Variants in RFTN2 observed in about 807,000 individuals in gnomAD.
RFTN2 encodes raftlin family member 2.
In RFTN2, 34 loss-of-function variants were observed where a neutral mutation model predicts 52.7. The observed-to-expected ratio is 0.64, with a 90% confidence interval of 0.49 to 0.86. The LOEUF (loss-of-function observed/expected upper bound fraction) is 0.86, where lower values mean the gene tolerates loss of function less well. Ranked by LOEUF, RFTN2 falls within the 40% of genes least tolerant of loss-of-function variation. RFTN2 has a pLI of 0.00. For missense variants in RFTN2, 536 were observed against 600.1 expected (o/e 0.89, Z 1.12); for synonymous variants, 203 against 217.7 (o/e 0.93, Z 0.59).
chr2:197,616,453 G>A (rs72916912), intron 6 of RFTN2, among the ~76,000 whole-genome samples: 17,033 of 151,662 alleles, frequency 0.11, 1,312 homozygotes, highest in Middle Eastern at 0.24. Context: ...CACTATGCCT[G>A]GTTAATTTTA....
chr2:197,619,369 T>A (rs987221723), intron 5 of RFTN2, among the ~76,000 whole-genome samples: 30 of 152,256 alleles, frequency 2.0e-4, no homozygotes, highest in Non-Finnish European at 1.2e-4. Flanking sequence ...GAGGTAGACA[T>A]GGGAGACTTT....
chr2:197,660,931 T>C (rs1298441765), intron 1 of RFTN2, among the ~76,000 whole-genome samples: 1 of 152,182 alleles, frequency 6.6e-6, no homozygotes, highest in African/African-American at 2.4e-5. Flanking sequence ...ATATACAGTA[T>C]ATTGTTGTTA....
At chr2:197,615,805 A>G (rs2088131679) in intron 7 of RFTN2, 71 bp downstream of exon 7, 1 of 798,472 alleles carries the variant, frequency 1.3e-6, no homozygotes, top group East Asian at 2.7e-5. Context: ...TATTTGTTGA[A>G]TTGAACTATC....
In RFTN2 at chr2:197,661,363, C is replaced by T. The variant is rs1222729691; in HGVS notation, c.139+13957G>A. Among the ~76,000 whole-genome samples the T allele has an allele frequency of 2.6e-5, 4 of 151,794 alleles. 1 individual carries two copies. In the South Asian group the frequency reaches 6.3e-4, roughly 24 times the overall value. ...CTTCCACCTCAGCTTCCAGAGTAGT[C>T]GGAACTACAGGTGCATGCTACCATG... is the stretch of plus-strand genomic sequence containing the variant. On this transcript the variant is annotated intron_variant, in intron 1 of 8. Transcript: ENST00000295049.
intron 1 of RFTN2, among the ~76,000 whole-genome samples, chr2:197,665,197 G>A (rs974275306): frequency 6.6e-6 from 1 of 152,088 alleles, no homozygotes; most frequent in Admixed American, 6.5e-5. Context: ...ATGGTGGTGG[G>A]GGGAGCAGTG....
chr2:197,610,299 T>C (rs534294856), intron 7 of RFTN2, among the ~76,000 whole-genome samples: 1 of 152,240 alleles, frequency 6.6e-6, no homozygotes, highest in Non-Finnish European at 1.5e-5. Context: ...CCTTGAGCAG[T>C]GATTTGTAGA....
rs543978161 is a variant in RFTN2, at chr2:197,582,309, C to A, written c.1234-10029G>T. ...CTCTTTGTTGAGTCTCCCACAATTA[C>A]CATTGTTCCTGGCCCAGACTTCAAT... On this transcript the variant is annotated intron_variant, in intron 8 of 8. Coordinates refer to ENST00000295049, the MANE Select transcript of RFTN2 (RefSeq NM_144629.3). 3.3e-5 allele frequency among the ~76,000 whole-genome samples: 5 copies of A among 152,340 alleles called. No individual in the cohort carries two copies. In the East Asian group the frequency reaches 9.6e-4, roughly 29 times the overall value.
At chr2:197,586,804 C>A (rs1479461314) in intron 8 of RFTN2, among the ~76,000 whole-genome samples, 1 of 152,132 alleles carries the variant, frequency 6.6e-6, no homozygotes, top group African/African-American at 2.4e-5. Context: ...CTGAGGTTGT[C>A]CTCCAAAACC....
chr2:197,645,726 T>A (rs1232881187), intron 2 of RFTN2, among the ~76,000 whole-genome samples: 1 of 152,196 alleles, frequency 6.6e-6, no homozygotes, highest in Non-Finnish European at 1.5e-5. Context: ...CTTTCTGTCG[T>A]TAAAAGTTTT....
rs2088178158 is a variant in RFTN2, at chr2:197,618,105, CT to C, written c.929-185del. The C allele has an allele frequency of 3.7e-5, 12 of 326,344 alleles. No homozygotes were observed. The South Asian group carries it at 4.1e-4, about 11-fold the overall frequency. The allele number at this position is 326,344 out of a possible 1,614,324, so 20.2% of individuals were successfully genotyped here. A position where few individuals can be genotyped will look rare whatever the true frequency, so the allele number is the denominator to read the frequency against. ...CCCTCTCCCCACGGTCTCCCTCTCCCTCTCTTTCCACGGTCTCCCTCTGATG... is the reference window on the plus strand; with the variant it reads ...CCCTCTCCCCACGGTCTCCCTCTCCCCTCTTTCCACGGTCTCCCTCTGATG... On this transcript the variant is annotated intron_variant, in intron 5 of 8. Transcript: ENST00000295049.
chr2:197,664,813 C>T (rs185575618), intron 1 of RFTN2, among the ~76,000 whole-genome samples: 1 of 152,236 alleles, frequency 6.6e-6, no homozygotes, highest in African/African-American at 2.4e-5. Context: ...GACTCATTTT[C>T]TGGCCTAACA....
At chr2:197,634,684 TA>T (rs1195982087) in intron 3 of RFTN2, among the ~76,000 whole-genome samples, 1 of 147,398 alleles carries the variant, frequency 6.8e-6, no homozygotes, top group Non-Finnish European at 1.5e-5. Flanking sequence ...TAAGAATGCT[TA>T]TTTTTTATTT....
At chr2:197,640,264 C>G (rs2088641997) in intron 3 of RFTN2, among the ~76,000 whole-genome samples, 1 of 152,110 alleles carries the variant, frequency 6.6e-6, no homozygotes. Context: ...GGGCTCCACC[C>G]AGTTGGAGCT....
intron 1 of RFTN2, among the ~76,000 whole-genome samples, chr2:197,656,203 T>C (rs530674438): frequency 6.6e-6 from 1 of 152,168 alleles, no homozygotes; most frequent in Admixed American, 6.6e-5. Flanking sequence ...CCTCCTTATA[T>C]GGTTGTTAGG....
At chr2:197,631,873 T>C (rs1482469180) in intron 4 of RFTN2, among the ~76,000 whole-genome samples, 3 of 152,312 alleles carry the variant, frequency 2.0e-5, no homozygotes, top group African/African-American at 7.2e-5. Flanking sequence ...TTTAGGAAGC[T>C]TAACATCACC....
intron 3 of RFTN2, among the ~76,000 whole-genome samples, chr2:197,643,612 T>C (rs2088704962): frequency 6.6e-6 from 1 of 152,200 alleles, no homozygotes; most frequent in African/African-American, 2.4e-5. Flanking sequence ...TGAATTTGTA[T>C]TCCTTTCCTG....
chr2:197,620,494 A>G (rs1463492881), intron 5 of RFTN2, among the ~76,000 whole-genome samples: 1 of 152,262 alleles, frequency 6.6e-6, no homozygotes. Context: ...AAACTTTTCA[A>G]AGGATCTTTT....
rs954665381 is a variant in RFTN2 at position 197,568,338 on chromosome 2, C to G, written c.*3670G>C. The G allele has an allele frequency of 4.6e-5, 7 of 152,196 alleles. No individual in the cohort carries two copies. Among genetic ancestry groups the G allele is most frequent in the African/African-American group, 1.7e-4 (7 of 41,452 alleles). The allele number at this position is 152,196 out of a possible 1,614,324, so 9.4% of individuals were successfully genotyped here. ...TAGAACCCATTTCTTTTGCAGTCGT[C>G]TTCACCAAAACTTTATGAACCTCAT... On this transcript the variant is annotated 3_prime_UTR_variant, in exon 9 of 9. Coordinates refer to ENST00000295049, the MANE Select transcript of RFTN2 (RefSeq NM_144629.3).
chr2:197,597,334 G>A (rs1472856290), intron 7 of RFTN2, among the ~76,000 whole-genome samples: 1 of 152,066 alleles, frequency 6.6e-6, no homozygotes, highest in African/African-American at 2.4e-5. Context: ...ATGAGGCTTT[G>A]GTACACGGGC....
Sources: gnomAD v4.1 joint callset for allele counts (sites outside exome capture counted in the v4.1 genomes callset) on GRCh38, gnomAD v4.1.1 for gene constraint, MANE v1.5 for transcripts, NCBI Gene and HGNC (gene_info 2026-07-23, HGNC 2026-07-21) for gene names.